The following NEK11 variants were observed in gnomAD, a reference collection of about 807,000 sequenced individuals.
NEK11 encodes NIMA related kinase 11.
In NEK11, 72 loss-of-function variants were observed where a neutral mutation model predicts 80.7. That is an observed-to-expected ratio of 0.89 (90% CI 0.74 to 1.08). The LOEUF (loss-of-function observed/expected upper bound fraction) is 1.08, where lower values mean the gene tolerates loss of function less well. Ranked by LOEUF, NEK11 falls within the 50% of genes least tolerant of loss-of-function variation. NEK11 has a pLI of 0.00. For synonymous variants in NEK11, 251 were observed against 260.7 expected, an observed-to-expected ratio of 0.96 and a Z score of 0.36; for missense variants, 764 against 763.6, an observed-to-expected ratio of 1.00 and a Z score of -0.01.
intron 9 of NEK11, among the ~76,000 whole-genome samples, chr3:131,153,050 G>A (rs1047800337): frequency 2.6e-5 from 4 of 152,152 alleles, no homozygotes; most frequent in Non-Finnish European, 5.9e-5. Flanking sequence ...TTGCGCCGCT[G>A]CACTCCAGCC....
At chr3:131,315,575 G>A (rs12638809) in intron 17 of NEK11, among the ~76,000 whole-genome samples, 17,821 of 150,414 alleles carry the variant, frequency 0.12, 1,495 homozygotes, top group East Asian at 0.3. Flanking sequence ...TTTAAGTTCC[G>A]GGGTACATGT....
chr3:131,169,008 G>C (rs1237770981), intron 13 of NEK11, 71 bp downstream of exon 13: 20 of 1,189,948 alleles, frequency 1.7e-5, no homozygotes, highest in Non-Finnish European at 2.4e-5. Flanking sequence ...AAAGGGGAAA[G>C]AAAATGGGAA....
At chr3:131,115,094 T>C (rs2080799729) in intron 5 of NEK11, among the ~76,000 whole-genome samples, 1 of 152,210 alleles carries the variant, frequency 6.6e-6, no homozygotes, top group Non-Finnish European at 1.5e-5. Flanking sequence ...CTCAGTAAAG[T>C]AGATTGCCCT....
intron 17 of NEK11, among the ~76,000 whole-genome samples, chr3:131,302,134 T>C (rs556931251): frequency 2.0e-5 from 3 of 152,120 alleles, no homozygotes; most frequent in Non-Finnish European, 4.4e-5. Context: ...GGTTTTTCAG[T>C]TTGTGTGCAT....
intron 16 of NEK11, among the ~76,000 whole-genome samples, chr3:131,264,269 A>G (rs2096000046): frequency 6.6e-6 from 1 of 152,206 alleles, no homozygotes; most frequent in Non-Finnish European, 1.5e-5. Context: ...TTGGTGTTTT[A>G]GTCATGAAGT....
chr3:131,109,149 G>GT (rs1308706068), intron 4 of NEK11, among the ~76,000 whole-genome samples: 1 of 152,046 alleles, frequency 6.6e-6, no homozygotes, highest in Non-Finnish European at 1.5e-5. Flanking sequence ...CCTTATAAGG[G>GT]TTTTTTCCTG....
At chr3:131,313,430 C>A (rs1270698876) in intron 17 of NEK11, among the ~76,000 whole-genome samples, 1 of 152,130 alleles carries the variant, frequency 6.6e-6, no homozygotes, top group East Asian at 1.9e-4. Flanking sequence ...AATTTACCTC[C>A]CACCAGCAGT....
At position 131,349,654 on chromosome 3, in the gene NEK11, G is replaced by A. The variant is rs55944737; in HGVS notation, c.1816G>A (p.Glu606Lys). The part of the protein sequence containing the change: ...HQNASEAEIR[E>K]CLEKVVPQAS... ...GAATGCTAGCGAAGCAGAGATCCGC[G>A]AGTGTTTGGAAAAAGTGGTGCCTCA... The change falls in exon 18 of 18, where the codon GAG (glutamate) becomes AAG (lysine). Residue 606 changes from glutamate to lysine, a missense_variant. Transcript: ENST00000383366. The A allele has an allele frequency of 1.5e-4, 240 of 1,614,164 alleles. No homozygotes were observed. The African/African-American group carries it at 2.9e-3, about 20-fold the overall frequency.
At chr3:131,338,400 C>G (rs963994758) in intron 17 of NEK11, among the ~76,000 whole-genome samples, 7 of 150,770 alleles carry the variant, frequency 4.6e-5, no homozygotes, top group Non-Finnish European at 1.0e-4. Context: ...TTTCTTCACA[C>G]TTGATCTTCA....
intron 14 of NEK11, among the ~76,000 whole-genome samples, chr3:131,198,279 G>A (rs768636091): frequency 9.9e-5 from 15 of 152,058 alleles, no homozygotes; most frequent in South Asian, 2.1e-4. Flanking sequence ...AGCTGAGGTC[G>A]GGATCAGTCA....
intron 3 of NEK11, among the ~76,000 whole-genome samples, chr3:131,045,150 C>G (rs148046507): frequency 8.5e-5 from 13 of 152,120 alleles, no homozygotes; most frequent in African/African-American, 3.1e-4. Context: ...GCACTAAATG[C>G]CCACAGGAGA....
intron 17 of NEK11, among the ~76,000 whole-genome samples, chr3:131,286,614 G>T (rs2096473734): frequency 6.6e-6 from 1 of 152,130 alleles, no homozygotes. Flanking sequence ...AGGTACTACA[G>T]GCTAAGCAGG....
At position 131,029,785 on chromosome 3, in the gene NEK11, C is replaced by A. The variant is rs774556723; in HGVS notation, c.77C>A (p.Ala26Glu). 6.2e-7 allele frequency: 1 copy of A among 1,614,156 alleles called. No homozygotes were observed. The change falls in exon 3 of 18, where the codon GCA becomes GAA. Residue 26 changes from alanine to glutamate, a missense_variant. Transcript: ENST00000383366. ...AISTYPKTLIARRYVLQQKLG... is the reference protein window; with the variant it reads ...AISTYPKTLIERRYVLQQKLG... ...TCCACTTATCCAAAGACCTTGATTG[C>A]AAGAAGATACGTGCTTCAACAAAAA...
rs2076296395 is a variant in NEK11 at position 131,088,424 on chromosome 3, T to G, written c.336+7836T>G. Among the ~76,000 whole-genome samples, 4 of 152,342 alleles carry G rather than the reference T, an allele frequency of 2.6e-5. No individual in the cohort carries two copies. The South Asian group carries it at 8.3e-4, about 32-fold the overall frequency. On this transcript the variant is annotated intron_variant, in intron 4 of 17. Transcript: ENST00000383366. ...AAATCTAACAATTGAAAAGCAAGACTAGTTTCATTGAAAAGAAATGCACTA... is the reference window on the plus strand; with the variant it reads ...AAATCTAACAATTGAAAAGCAAGACGAGTTTCATTGAAAAGAAATGCACTA...
chr3:131,129,988 T>A lies in NEK11; in HGVS notation c.456-2757T>A, dbSNP rs529889611. On this transcript the variant is annotated intron_variant, in intron 5 of 17. Transcript: ENST00000383366. ...ACAAAATAACTTCCTGGGATTTTGA[T>A]TGGGGTTACATTGCATCTATTGATC... is the stretch of plus-strand genomic sequence containing the variant. Among the ~76,000 whole-genome samples the A allele has an allele frequency of 2.4e-4, 36 of 152,310 alleles. No homozygotes were observed. The South Asian group carries it at 5.2e-3, about 22-fold the overall frequency.
intron 4 of NEK11, among the ~76,000 whole-genome samples, chr3:131,099,223 A>G (rs562652137): frequency 6.6e-6 from 1 of 152,310 alleles, no homozygotes; most frequent in Non-Finnish European, 1.5e-5. Context: ...CATTTATTGA[A>G]AAGAGATCCT....
At chr3:131,062,825 A>G (rs989725483) in intron 3 of NEK11, among the ~76,000 whole-genome samples, 8 of 152,242 alleles carry the variant, frequency 5.3e-5, no homozygotes, top group Middle Eastern at 6.8e-3. Flanking sequence ...CATCTCCTCT[A>G]TTCTGGCCAG....
chr3:131,294,064 T>G (rs2096570109), intron 17 of NEK11, among the ~76,000 whole-genome samples: 1 of 152,110 alleles, frequency 6.6e-6, no homozygotes. Flanking sequence ...TTTCCCATTT[T>G]TAATTCCATT....
At chr3:131,088,879 G>A (rs2076360646) in intron 4 of NEK11, among the ~76,000 whole-genome samples, 1 of 152,080 alleles carries the variant, frequency 6.6e-6, no homozygotes, top group Non-Finnish European at 1.5e-5. Flanking sequence ...GTTTTATGCA[G>A]TCTCTTAAAG....
Sources: gnomAD v4.1 joint callset for allele counts (sites outside exome capture counted in the v4.1 genomes callset) on GRCh38, gnomAD v4.1.1 for gene constraint, MANE v1.5 for transcripts, NCBI Gene and HGNC (gene_info 2026-07-23, HGNC 2026-07-21) for gene names.